The following PTP4A3 variants were observed in gnomAD, a reference collection of about 807,000 sequenced individuals.
The protein encoded by PTP4A3 is protein tyrosine phosphatase type IVA 3.
Under a neutral mutation model 15.2 loss-of-function variants are expected in PTP4A3, and 9 were observed. That is an observed-to-expected ratio of 0.59 (90% confidence interval 0.36 to 1.03). PTP4A3 has a LOEUF of 1.03. Among genes scored for constraint, PTP4A3 ranks in the 50% least tolerant of loss-of-function variants. PTP4A3 has a pLI of 0.02. For missense variants in PTP4A3, 234 were observed against 252.1 expected (o/e 0.93, Z 0.49); for synonymous variants, 95 against 102.0 (o/e 0.93, Z 0.41).
rs1477958658 is a variant in PTP4A3 at position 141,425,476 on chromosome 8, G to T, written c.198+336G>T. The stretch of plus-strand genomic sequence containing the variant: ...GCCCTCCTCTGGGCCTGTCTTGGGT[G>T]CATCTCAGTCTTGCTGCCTGGGCGG... On this transcript the variant is annotated intron_variant, in intron 3 of 5. Coordinates refer to ENST00000521578, the MANE Select transcript of PTP4A3 (RefSeq NM_032611.3). This position sits in a 1 kb window ranked among gnomAD's most constrained non-coding sequence, Gnocchi z 4.2. Among the ~76,000 whole-genome samples the T allele has an allele frequency of 6.6e-6, 1 of 152,062 alleles. No homozygotes were observed. Among genetic ancestry groups the T allele is most frequent in the Non-Finnish European group, 1.5e-5 (1 of 67,988 alleles).
chr8:141,411,712 C>G (rs1832874490), intron 1 of PTP4A3, among the ~76,000 whole-genome samples: 1 of 152,162 alleles, frequency 6.6e-6, no homozygotes, highest in South Asian at 2.1e-4. Flanking sequence ...CGGCCAGTGG[C>G]CCTGGCTAGC....
At chr8:141,393,706 G>GT (rs752401502) in intron 1 of PTP4A3, among the ~76,000 whole-genome samples, 2 of 152,238 alleles carry the variant, frequency 1.3e-5, no homozygotes, top group Non-Finnish European at 2.9e-5. Context: ...GAGTAAGGCT[G>GT]GGGGCCTCAG....
intron 1 of PTP4A3, 30 bp from the exon 2 acceptor site, chr8:141,421,358 T>C (rs1404010620): frequency 1.3e-5 from 2 of 152,216 alleles, no homozygotes; most frequent in Non-Finnish European, 2.9e-5. Flanking sequence ...GTGATCCCTT[T>C]CTATTCATTT....
intron 1 of PTP4A3, among the ~76,000 whole-genome samples, chr8:141,415,263 A>C (rs1832993938): frequency 6.6e-6 from 1 of 151,866 alleles, no homozygotes. Context: ...CCCAGCCTGC[A>C]GCAGGCAGTG....
chr8:141,409,182 C>T (rs546028884), intron 1 of PTP4A3, among the ~76,000 whole-genome samples: 135 of 152,318 alleles, frequency 8.9e-4, no homozygotes, highest in African/African-American at 3.2e-3. Flanking sequence ...TCCCTGGGCC[C>T]TGCTAGGGGA....
chr8:141,393,568 C>T (rs1236270514), intron 1 of PTP4A3, among the ~76,000 whole-genome samples: 2 of 152,286 alleles, frequency 1.3e-5, no homozygotes, highest in South Asian at 2.1e-4. Flanking sequence ...TGCGGACAGG[C>T]CCCCGCAGGC....
intron 1 of PTP4A3, among the ~76,000 whole-genome samples, chr8:141,408,254 T>A (rs1190112785): frequency 6.6e-6 from 1 of 152,134 alleles, no homozygotes. Context: ...GCGATGGAAG[T>A]GTTCTGGAAT....
In PTP4A3 at chr8:141,420,673, C is replaced by T. The variant is rs575566535; in HGVS notation, c.-853-715C>T. Among the ~76,000 whole-genome samples, 5 of 152,364 alleles carry T rather than the reference C, an allele frequency of 3.3e-5. No homozygotes were observed. The East Asian group carries it at 9.6e-4, about 29-fold the overall frequency. ...CCGCCTCCCTGAGCTCCTGGAGGGG[C>T]AGAGCTGGCCTGTTTATCCCCGAGC... On this transcript the variant is annotated intron_variant, in intron 1 of 5. Coordinates refer to ENST00000521578, the MANE Select transcript of PTP4A3 (RefSeq NM_032611.3).
chr8:141,427,937 G>A (rs1055933182), intron 5 of PTP4A3, 113 bp downstream of exon 5: 5 of 1,050,362 alleles, frequency 4.8e-6, no homozygotes, highest in Non-Finnish European at 6.9e-6. Flanking sequence ...AGGCTGCGTC[G>A]ATCAGCACAA....
intron 1 of PTP4A3, among the ~76,000 whole-genome samples, chr8:141,398,999 G>A (rs1011399916): frequency 7.9e-5 from 12 of 152,102 alleles, no homozygotes; most frequent in African/African-American, 2.9e-4. Context: ...CACGGGACCG[G>A]TGCTCCCGGC....
At chr8:141,411,795 G>A (rs1832877550) in intron 1 of PTP4A3, among the ~76,000 whole-genome samples, 1 of 152,210 alleles carries the variant, frequency 6.6e-6, no homozygotes, top group South Asian at 2.1e-4. Flanking sequence ...GGATCCCAGG[G>A]ACTGAGCACA....
At chr8:141,404,424 G>T (rs1487440628) in intron 1 of PTP4A3, among the ~76,000 whole-genome samples, 2 of 152,242 alleles carry the variant, frequency 1.3e-5, no homozygotes, top group African/African-American at 4.8e-5. Context: ...GCAGCTGAGG[G>T]CCTCTCTCCC....
chr8:141,411,573 C>G (rs1390588982), intron 1 of PTP4A3, among the ~76,000 whole-genome samples: 1 of 152,228 alleles, frequency 6.6e-6, no homozygotes, highest in Non-Finnish European at 1.5e-5. Flanking sequence ...GGCCAAGAGG[C>G]CTACGTGCAT....
intron 1 of PTP4A3, among the ~76,000 whole-genome samples, chr8:141,394,964 G>T (rs557238723): frequency 6.6e-6 from 1 of 152,358 alleles, no homozygotes; most frequent in South Asian, 2.1e-4. Flanking sequence ...CTGCCAGTCG[G>T]GTAGGCCAGC....
intron 1 of PTP4A3, among the ~76,000 whole-genome samples, chr8:141,408,617 GAA>G (rs112994349): frequency 6.9e-5 from 9 of 130,360 alleles, no homozygotes; most frequent in African/African-American, 1.1e-4. Context: ...GACTCTGTCT[GAA>G]AAAAAAAAAA....
intron 1 of PTP4A3, among the ~76,000 whole-genome samples, chr8:141,397,452 C>T (rs1432363208): frequency 6.6e-6 from 1 of 152,242 alleles, no homozygotes; most frequent in African/African-American, 2.4e-5. Context: ...TGGGAAGGGC[C>T]TCTGCCATGC....
chr8:141,427,035 T>C lies in PTP4A3; in HGVS notation c.295T>C (p.Cys99Arg), dbSNP rs1191318243. 2 of 1,600,856 alleles carry C rather than the reference T, an allele frequency of 1.2e-6. No homozygotes were observed. The highest frequency in any genetic ancestry group is 3.3e-5 in the Admixed American group (2 of 59,986). The stretch of plus-strand genomic sequence containing the variant: ...CAAGTTCTGTGAGGCCCCCGGCAGC[T>C]GCGTGGCTGTGCACTGCGTGGCGGG... ...KAKFCEAPGS[C>R]VAVHCVAGLG... Residue 99 changes from cysteine (C) to arginine (R), a missense_variant, in exon 4 of 6, where the codon TGC becomes CGC. Transcript: ENST00000521578.
chr8:141,425,181 C>CCCGGG lies in PTP4A3; in HGVS notation c.198+41_198+42insCCGGG. ...CGGGGACCCTAGTCACTGCTGCCAC[C>CCCGGG]GGGGGAGGGTGGGGCGGGGGGCTCC... On this transcript the variant is annotated intron_variant, in intron 3 of 5. Transcript: ENST00000521578. The surrounding 1 kb of genome is among the most constrained non-coding windows in gnomAD (Gnocchi z 4.2). The CCCGGG allele has an allele frequency of 2.9e-6, 1 of 345,448 alleles. No individual in the cohort carries two copies. Among genetic ancestry groups the CCCGGG allele is most frequent in the Non-Finnish European group, 5.6e-6 (1 of 179,008 alleles). The allele number at this position is 345,448 out of a possible 1,614,324, so 21.4% of individuals were successfully genotyped here.
At chr8:141,404,027 C>T (rs1356337023) in intron 1 of PTP4A3, among the ~76,000 whole-genome samples, 1 of 152,284 alleles carries the variant, frequency 6.6e-6, no homozygotes, top group East Asian at 1.9e-4. Context: ...ACACCATCCC[C>T]TCTCGGGGCA....
Sources: allele counts gnomAD v4.1 joint callset (sites outside exome capture counted in the v4.1 genomes callset), GRCh38; gene constraint gnomAD v4.1.1; non-coding constraint Gnocchi (gnomAD v3.1); transcripts MANE v1.5; gene names NCBI Gene and HGNC (gene_info 2026-07-23, HGNC 2026-07-21).